Variants in FTO observed in about 807,000 individuals in gnomAD.
The protein encoded by FTO is FTO alpha-ketoglutarate dependent dioxygenase, also known as alpha-ketoglutarate-dependent dioxygenase FTO.
FTO carries 47 observed loss-of-function variants against 63.9 expected under a neutral mutation model. The ratio of observed to expected loss-of-function variants is 0.74; its 90% CI spans 0.58 to 0.94. FTO has a LOEUF of 0.94. Among genes scored for constraint, FTO ranks in the 40% least tolerant of loss-of-function variants. FTO has a pLI of 0.00. For synonymous variants in FTO, 207 were observed against 224.4 expected (o/e 0.92, Z 0.69); for missense variants, 562 against 618.1 (o/e 0.91, Z 0.96).
chr16:54,042,018 T>C (rs2085089176), intron 8 of FTO, among the ~76,000 whole-genome samples: 1 of 152,198 alleles, frequency 6.6e-6, no homozygotes, highest in African/African-American at 2.4e-5. Context: ...ATGTAGAACC[T>C]GGCTGTGATC....
At chr16:54,083,246 C>G (rs1439518098) in intron 8 of FTO, among the ~76,000 whole-genome samples, 1 of 152,100 alleles carries the variant, frequency 6.6e-6, no homozygotes, top group Non-Finnish European at 1.5e-5. Context: ...GAGCCCTGGC[C>G]CCTTGAAAGC....
Position 54,095,975 on chromosome 16 carries a change from G to A in FTO, c.1365-15787G>A, listed in dbSNP as rs1258014401. 2.6e-5 allele frequency among the ~76,000 whole-genome samples: 4 copies of A among 152,332 alleles called. No individual in the cohort carries two copies. The East Asian group carries it at 7.7e-4, about 29-fold the overall frequency. On this transcript the variant is annotated intron_variant, in intron 8 of 8. Transcript: ENST00000471389. ...TTATTTCCAGTCCCCCTTGCTAGCAGCTGAATACAGTTTATAACCGATACA... is the reference window on the plus strand; with the variant it reads ...TTATTTCCAGTCCCCCTTGCTAGCAACTGAATACAGTTTATAACCGATACA...
chr16:53,877,257 G>C (rs894385011), intron 5 of FTO, among the ~76,000 whole-genome samples: 2 of 152,152 alleles, frequency 1.3e-5, no homozygotes, highest in East Asian at 1.9e-4. Flanking sequence ...ACTTCTACAG[G>C]AATGTTCATA....
intron 8 of FTO, among the ~76,000 whole-genome samples, chr16:54,011,996 G>A (rs1187892348): frequency 2.0e-5 from 3 of 152,178 alleles, no homozygotes; most frequent in Non-Finnish European, 2.9e-5. Context: ...GTGTTCAAGT[G>A]AAAGGAAGAG....
At chr16:53,807,936 A>G (rs1205714665) in intron 1 of FTO, among the ~76,000 whole-genome samples, 2 of 152,210 alleles carry the variant, frequency 1.3e-5, no homozygotes, top group Admixed American at 6.5e-5. Flanking sequence ...TCAATTAACC[A>G]ATAGTGAATT....
chr16:54,054,980 T>C (rs1599284659), intron 8 of FTO, among the ~76,000 whole-genome samples: 1 of 152,188 alleles, frequency 6.6e-6, no homozygotes, highest in Non-Finnish European at 1.5e-5. Flanking sequence ...CAATGCTAGC[T>C]GAACTCAGGG....
At chr16:53,937,381 G>T in intron 8 of FTO, 1 of 397,222 alleles carries the variant, frequency 2.5e-6, no homozygotes, top group Non-Finnish European at 4.4e-6. Flanking sequence ...GCTTGTTATA[G>T]CTTTTAAAGA....
chr16:53,822,112 A>C (rs1374539818), intron 2 of FTO, among the ~76,000 whole-genome samples: 2 of 152,304 alleles, frequency 1.3e-5, no homozygotes, highest in Middle Eastern at 6.8e-3. Context: ...GGGCCCAAAA[A>C]GCTGGGTGGC....
chr16:53,776,612 AAATAG>A (rs1336109731), intron 1 of FTO, among the ~76,000 whole-genome samples: 11 of 152,166 alleles, frequency 7.2e-5, no homozygotes, highest in African/African-American at 2.2e-4. Context: ...ATTGATTTAA[AAATAG>A]CAAAACCCCT....
chr16:54,056,306 G>A (rs932093112), intron 8 of FTO, among the ~76,000 whole-genome samples: 3 of 152,178 alleles, frequency 2.0e-5, no homozygotes, highest in Admixed American at 1.3e-4. Context: ...CTGTGAGGGC[G>A]GGGGTCATAT....
chr16:53,830,662 G>A (rs1201207673), intron 3 of FTO, among the ~76,000 whole-genome samples: 1 of 152,202 alleles, frequency 6.6e-6, no homozygotes, highest in Non-Finnish European at 1.5e-5. Context: ...CACTTTGGGA[G>A]ACCAAGGCAG....
chr16:54,034,926 G>A (rs547502060), intron 8 of FTO, among the ~76,000 whole-genome samples: 2 of 152,300 alleles, frequency 1.3e-5, no homozygotes, highest in African/African-American at 4.8e-5. Context: ...AACATAATTG[G>A]GAAAGTGCAT....
intron 1 of FTO, among the ~76,000 whole-genome samples, chr16:53,753,877 C>T (rs1052959946): frequency 6.6e-6 from 1 of 152,192 alleles, no homozygotes; most frequent in Non-Finnish European, 1.5e-5. Flanking sequence ...GGAGAACTGG[C>T]TGCTCAGGGG....
chr16:53,944,557 G>A (rs1305451105), intron 8 of FTO, among the ~76,000 whole-genome samples: 1 of 152,078 alleles, frequency 6.6e-6, no homozygotes, highest in Non-Finnish European at 1.5e-5. Context: ...ATATGTTTGG[G>A]GGCATAGATT....
At chr16:54,058,957 C>T (rs1457351023) in intron 8 of FTO, among the ~76,000 whole-genome samples, 2 of 152,120 alleles carry the variant, frequency 1.3e-5, no homozygotes, top group African/African-American at 2.4e-5. Context: ...GGGATATTGC[C>T]TGTCCTTCAG....
intron 8 of FTO, among the ~76,000 whole-genome samples, chr16:54,101,547 C>A (rs1035758439): frequency 6.6e-6 from 1 of 151,980 alleles, no homozygotes; most frequent in African/African-American, 2.4e-5. Context: ...TGTATATTTT[C>A]TTTATTTAAT....
chr16:53,943,427 G>A (rs1045794133), intron 8 of FTO, among the ~76,000 whole-genome samples: 1 of 152,194 alleles, frequency 6.6e-6, no homozygotes, highest in African/African-American at 2.4e-5. Flanking sequence ...ATCAGTTGCT[G>A]GCTGGCTGTT....
chr16:54,027,436 T>C (rs2084739405), intron 8 of FTO, among the ~76,000 whole-genome samples: 1 of 152,188 alleles, frequency 6.6e-6, no homozygotes. Context: ...ATCGAATGTT[T>C]CTTTGCTTCA....
At chr16:53,908,772 A>G in intron 7 of FTO, among the ~76,000 whole-genome samples, 1 of 152,226 alleles carries the variant, frequency 6.6e-6, no homozygotes, top group Non-Finnish European at 1.5e-5. Flanking sequence ...TTTCTGGCCC[A>G]GGGTAGATCC....
Sources: gnomAD v4.1 joint callset for allele counts (sites outside exome capture counted in the v4.1 genomes callset) on GRCh38, gnomAD v4.1.1 for gene constraint, MANE v1.5 for transcripts, NCBI Gene and HGNC (gene_info 2026-07-23, HGNC 2026-07-21) for gene names.